DLGAP2: variants seen among roughly 807,000 people sequenced by gnomAD.
The protein encoded by DLGAP2 is DLG associated protein 2, also known as disks large-associated protein 2.
DLGAP2 carries 26 observed loss-of-function variants against 100.3 expected under a neutral mutation model. The observed-to-expected ratio is 0.26, with a 90% CI of 0.19 to 0.36. The LOEUF (loss-of-function observed/expected upper bound fraction) is 0.36. DLGAP2 is among the 10% of genes least tolerant of loss of function. The probability of loss-of-function intolerance (pLI) is 1.00; values close to 1 mark genes in which losing one functional copy is unlikely to be tolerated. For synonymous variants in DLGAP2, 886 were observed against 630.1 expected (o/e 1.41, Z -6.08); for missense variants, 1,858 against 1,453.2 (o/e 1.28, Z -4.53).
chr8:1,674,355 C>T (rs1455190340), intron 10 of DLGAP2, among the ~76,000 whole-genome samples: 1 of 152,184 alleles, frequency 6.6e-6, no homozygotes, highest in East Asian at 1.9e-4. Flanking sequence ...CCATTGTTTT[C>T]ACTGCTGTGT....
At chr8:1,412,853 A>G (rs1053729130) in intron 3 of DLGAP2, among the ~76,000 whole-genome samples, 4 of 144,240 alleles carry the variant, frequency 2.8e-5, no homozygotes, top group African/African-American at 1.1e-4. Flanking sequence ...GGCCACCTGC[A>G]TTTCCTGAGA....
At chr8:1,304,985 C>T (rs1362887945) in intron 3 of DLGAP2, among the ~76,000 whole-genome samples, 1 of 152,174 alleles carries the variant, frequency 6.6e-6, no homozygotes, top group Non-Finnish European at 1.5e-5. Context: ...TGGACAAATA[C>T]TGCTAAGAAT....
intron 1 of DLGAP2, among the ~76,000 whole-genome samples, chr8:787,256 T>C: frequency 6.6e-6 from 1 of 152,122 alleles, no homozygotes; most frequent in East Asian, 1.9e-4. Flanking sequence ...CGTTAGTAAC[T>C]ATGGCAGAGC....
chr8:887,954 A>G (rs1315104849), intron 1 of DLGAP2, among the ~76,000 whole-genome samples: 1 of 152,172 alleles, frequency 6.6e-6, no homozygotes, highest in Non-Finnish European at 1.5e-5. Flanking sequence ...CTCCTGGATA[A>G]TATCCTGCAG....
chr8:955,431 C>T (rs1353083335), intron 2 of DLGAP2, among the ~76,000 whole-genome samples: 1 of 152,156 alleles, frequency 6.6e-6, no homozygotes, highest in African/African-American at 2.4e-5. Context: ...CTCCCCACTG[C>T]TGCCTGCCCC....
At chr8:1,372,338 C>T (rs1802261017) in intron 3 of DLGAP2, among the ~76,000 whole-genome samples, 1 of 152,206 alleles carries the variant, frequency 6.6e-6, no homozygotes, top group African/African-American at 2.4e-5. Context: ...CACTAGGACA[C>T]TGTTTAATGT....
chr8:1,365,674 A>C (rs1271486240), intron 3 of DLGAP2, among the ~76,000 whole-genome samples: 1 of 152,192 alleles, frequency 6.6e-6, no homozygotes, highest in Non-Finnish European at 1.5e-5. Flanking sequence ...GAGCCAAGCA[A>C]AATCAATCTC....
chr8:1,672,582 G>A (rs1383908109), intron 10 of DLGAP2, among the ~76,000 whole-genome samples: 2 of 152,198 alleles, frequency 1.3e-5, no homozygotes, highest in African/African-American at 4.8e-5. Flanking sequence ...GGCAGGGGCA[G>A]CCTGGAAAAG....
At chr8:1,176,532 C>A (rs1797261024) in intron 2 of DLGAP2, among the ~76,000 whole-genome samples, 2 of 152,222 alleles carry the variant, frequency 1.3e-5, no homozygotes, top group Admixed American at 1.3e-4. Context: ...TCACAGCCGC[C>A]CTGTGAATTT....
chr8:1,120,471 C>G (rs1796011482), intron 2 of DLGAP2, among the ~76,000 whole-genome samples: 1 of 152,176 alleles, frequency 6.6e-6, no homozygotes, highest in Admixed American at 6.5e-5. Flanking sequence ...CCATAACCAC[C>G]TTTCTGCTAC....
At chr8:803,289 C>T (rs1216824122) in intron 1 of DLGAP2, among the ~76,000 whole-genome samples, 1 of 152,244 alleles carries the variant, frequency 6.6e-6, no homozygotes, top group African/African-American at 2.4e-5. Flanking sequence ...CATTTTATCT[C>T]TGCCTCTCTT....
At chr8:1,071,005 T>C (rs1294101795) in intron 2 of DLGAP2, among the ~76,000 whole-genome samples, 1 of 152,068 alleles carries the variant, frequency 6.6e-6, no homozygotes. Context: ...TAGCAAACAG[T>C]GTGCTGTGGA....
chr8:1,365,812 C>G (rs1802095811), intron 3 of DLGAP2, among the ~76,000 whole-genome samples: 1 of 152,236 alleles, frequency 6.6e-6, no homozygotes, highest in African/African-American at 2.4e-5. Flanking sequence ...TGCCATGTCT[C>G]ATGTCGGGGC....
intron 3 of DLGAP2, among the ~76,000 whole-genome samples, chr8:1,298,044 A>ACAC (rs72217056): frequency 4.7e-4 from 6 of 12,860 alleles, no homozygotes; most frequent in African/African-American, 3.1e-3. Context: ...GCGTGAACAG[A>ACAC]CACGTGAGAC....
rs574520786 is a variant in DLGAP2, at chr8:1,096,661, G to T, written c.74-162190G>T. ...CCCTGCGCTCAGTAGAGTGGAGCTG[G>T]GAGCCCGGGGCAGGCCTTCACCCTC... On this transcript the variant is annotated intron_variant, in intron 2 of 14. Transcript: ENST00000637795. Among the ~76,000 whole-genome samples, 7 of 148,092 alleles carry T rather than the reference G, an allele frequency of 4.7e-5. No homozygotes were observed. The South Asian group carries it at 1.5e-3, about 32-fold the overall frequency.
At chr8:1,529,886 C>T (rs1247094868) in intron 4 of DLGAP2, among the ~76,000 whole-genome samples, 3 of 152,164 alleles carry the variant, frequency 2.0e-5, no homozygotes, top group African/African-American at 2.4e-5. Context: ...GCCACAAAAA[C>T]CAGCACGTTT....
Position 1,451,698 on chromosome 8 carries a change from C to G in DLGAP2, c.107-49668C>G, listed in dbSNP as rs546109711. Among the ~76,000 whole-genome samples the G allele has an allele frequency of 2.9e-4, 44 of 152,298 alleles. No individual in the cohort carries two copies. The South Asian group carries it at 3.7e-3, about 13-fold the overall frequency. On this transcript the variant is annotated intron_variant, in intron 3 of 14. Transcript: ENST00000637795. ...CAGCAGCCCCTTCTCAGCCATCACA[C>G]AGCCTCATGCTGCCTCCGCCTCAGC...
intron 4 of DLGAP2, among the ~76,000 whole-genome samples, chr8:1,538,598 G>A (rs1801235031): frequency 6.6e-6 from 1 of 152,178 alleles, no homozygotes; most frequent in East Asian, 1.9e-4. Context: ...AGGGGCTTAT[G>A]TCTCCGTCCC....
At chr8:1,340,556 G>A (rs774458164) in intron 3 of DLGAP2, among the ~76,000 whole-genome samples, 3 of 152,214 alleles carry the variant, frequency 2.0e-5, no homozygotes, top group South Asian at 2.1e-4. Context: ...CAGAATGGCG[G>A]TTATTAAAAA....
Sources: gnomAD v4.1 joint callset for allele counts (sites outside exome capture counted in the v4.1 genomes callset) on GRCh38, gnomAD v4.1.1 for gene constraint, MANE v1.5 for transcripts, NCBI Gene and HGNC (gene_info 2026-07-23, HGNC 2026-07-21) for gene names.